Variants in RSPH14 observed in about 807,000 individuals in gnomAD.
RSPH14 encodes the protein radial spoke head 14 homolog.
RSPH14 carries 20 observed loss-of-function variants against 26.7 expected under a neutral mutation model. The ratio of observed to expected loss-of-function variants is 0.75; its 90% CI spans 0.53 to 1.09. The LOEUF is 1.09. Ranked by LOEUF, RSPH14 falls within the 50% of genes least tolerant of loss-of-function variation. RSPH14 has a pLI of 0.00. For synonymous variants in RSPH14, 177 were observed against 189.3 expected, an observed-to-expected ratio of 0.93 and a Z score of 0.53; for missense variants, 449 against 457.2, an observed-to-expected ratio of 0.98 and a Z score of 0.16.
upstream of RSPH14, chr22:23,142,051 C>G: frequency 1.0e-6 from 1 of 985,420 alleles, no homozygotes; most frequent in Non-Finnish European, 1.2e-6. Flanking sequence ...GCGTCCGCGG[C>G]GCCGCGGTCG....
In RSPH14 at chr22:23,138,863, G is replaced by A. The variant is rs1270411856; in HGVS notation, c.279C>T (p.Ile93=). 2.6e-5 allele frequency: 41 copies of A among 1,551,282 alleles called. No individual in the cohort carries two copies. Among genetic ancestry groups the A allele is most frequent in the Non-Finnish European group, 3.5e-5 (40 of 1,147,168 alleles). The change falls in exon 3 of 7, where the codon ATC becomes ATT. Residue 93 remains isoleucine (I), a synonymous_variant. Transcript: ENST00000216036. ...ACCTGCCCACGCTATGGCTTGCCGT[G>A]ATGTGGAGCACCTCGGTGGTCTTTA... ...VRIKTTEVLH[I]TASHSVGRYA... is the part of the protein sequence containing the mutation.
chr22:23,170,760 T>C, the RSPH14 span, among the ~76,000 whole-genome samples: 3 of 151,518 alleles, frequency 2.0e-5, no homozygotes. Flanking sequence ...AGGCCACTAA[T>C]CCCATTCACG....
At chr22:23,123,270 T>C in intron 4 of RSPH14, 1 of 1,614,082 alleles carries the variant, frequency 6.2e-7, no homozygotes, top group Non-Finnish European at 8.5e-7. Flanking sequence ...GGCCGCTGTC[T>C]ACATCCAGCG....
chr22:23,173,753 C>T, the RSPH14 span, among the ~76,000 whole-genome samples: 9 of 151,646 alleles, frequency 5.9e-5, no homozygotes, highest in African/African-American at 2.2e-4. Context: ...GTCACCTAGG[C>T]TGGAGTGCAG....
At chr22:23,146,380 TGG>T (rs2070771247), upstream of RSPH14, among the ~76,000 whole-genome samples, 1 of 130,590 alleles carries the variant, frequency 7.7e-6, no homozygotes, top group Non-Finnish European at 1.7e-5. Flanking sequence ...CTAATTTTTT[TGG>T]TTTTTTTTTG....
At chr22:23,127,731 C>T (rs756632) in intron 4 of RSPH14, among the ~76,000 whole-genome samples, 18,173 of 152,194 alleles carry the variant, frequency 0.12, 1,227 homozygotes, top group South Asian at 0.16. Flanking sequence ...TAGCTGTAGA[C>T]CCCCAGATTT....
the RSPH14 span, chr22:23,180,659 G>A: frequency 1.3e-5 from 2 of 155,720 alleles, no homozygotes; most frequent in African/African-American, 4.9e-5. Flanking sequence ...CGTGGCCAGA[G>A]TCTGGCGGCG....
intron 4 of RSPH14, among the ~76,000 whole-genome samples, chr22:23,115,462 C>T (rs1435880573): frequency 6.6e-6 from 1 of 152,100 alleles, no homozygotes; most frequent in East Asian, 1.9e-4. Context: ...CTGAGGACTG[C>T]CTACCTGCTG....
At chr22:23,101,326 G>A (rs1338917223) in intron 4 of RSPH14, among the ~76,000 whole-genome samples, 1 of 152,132 alleles carries the variant, frequency 6.6e-6, no homozygotes, top group Non-Finnish European at 1.5e-5. Flanking sequence ...CACCATACTG[G>A]TCCCACATCC....
upstream of RSPH14, chr22:23,145,907 T>C (rs79157678): frequency 5.0e-4 from 443 of 894,910 alleles, 3 homozygotes; most frequent in African/African-American, 7.4e-3. Flanking sequence ...AAAGGCCTAG[T>C]TGGCTGAAAG....
chr22:23,146,576 A>T (rs202208579), upstream of RSPH14: 83 of 1,610,880 alleles, frequency 5.2e-5, no homozygotes, highest in African/African-American at 9.9e-4. Context: ...ACAGCTCCTT[A>T]ACTGTCTTTC....
At chr22:23,143,563 C>T (rs535869679), upstream of RSPH14, among the ~76,000 whole-genome samples, 4 of 152,270 alleles carry the variant, frequency 2.6e-5, no homozygotes, top group African/African-American at 7.2e-5. Flanking sequence ...AGTGAATCCC[C>T]TAGAATTTAC....
upstream of RSPH14, among the ~76,000 whole-genome samples, chr22:23,144,689 TA>T (rs56369606): frequency 0.014 from 1,856 of 136,624 alleles, 14 homozygotes; most frequent in African/African-American, 0.029. Context: ...TCCATCTCTT[TA>T]AAAAAAAAAA....
chr22:23,075,680 G>A lies in RSPH14; in HGVS notation c.422-11547C>T, dbSNP rs574707600. On this transcript the variant is annotated intron_variant, in intron 4 of 6. Transcript: ENST00000216036. ...GGGCCTTACACATAGTGTCAAGCCC[G>A]GGGGTGTTCCTTCTAGCAGCCTCCA... 1.7e-4 allele frequency among the ~76,000 whole-genome samples: 26 copies of A among 152,342 alleles called. 1 individual carries two copies. The East Asian group carries it at 2.5e-3, about 15-fold the overall frequency.
At chr22:23,178,635 A>AGCT in the RSPH14 span, among the ~76,000 whole-genome samples, 1 of 152,342 alleles carries the variant, frequency 6.6e-6, no homozygotes, top group Admixed American at 6.5e-5. Context: ...GGCAGCAGTG[A>AGCT]GCTGCGCACC....
intron 4 of RSPH14, among the ~76,000 whole-genome samples, chr22:23,067,664 A>G (rs2068242419): frequency 6.6e-6 from 1 of 151,772 alleles, no homozygotes; most frequent in African/African-American, 2.4e-5. Flanking sequence ...TGCCTCTGGT[A>G]CCCTCCATTC....
the RSPH14 span, chr22:23,159,392 C>A: frequency 2.4e-6 from 2 of 826,972 alleles, no homozygotes; most frequent in Admixed American, 5.8e-5. Context: ...GGCATCACAG[C>A]CCTGCTGTGC....
intron 4 of RSPH14, among the ~76,000 whole-genome samples, chr22:23,112,842 T>C (rs2069692300): frequency 6.6e-6 from 1 of 152,056 alleles, no homozygotes; most frequent in Non-Finnish European, 1.5e-5. Context: ...GTGGCCAGTG[T>C]GGACCCATCA....
At chr22:23,151,859 C>A in the RSPH14 span, among the ~76,000 whole-genome samples, 2 of 152,198 alleles carry the variant, frequency 1.3e-5, no homozygotes, top group Non-Finnish European at 2.9e-5. Flanking sequence ...CAAGCCACAG[C>A]CCGGATGCAT....
Sources: allele counts gnomAD v4.1 joint callset (sites outside exome capture counted in the v4.1 genomes callset), GRCh38; gene constraint gnomAD v4.1.1; transcripts MANE v1.5; gene names NCBI Gene and HGNC (gene_info 2026-07-23, HGNC 2026-07-21).